The following ADGRG1 variants were observed in gnomAD, a reference collection of about 807,000 sequenced individuals.
ADGRG1 encodes adhesion G protein-coupled receptor G1, also known as 7-transmembrane protein with no EGF-like N-terminal domains-1.
In ADGRG1, 53 loss-of-function variants were observed where a neutral mutation model predicts 73.5. That is an observed-to-expected ratio of 0.72 (90% CI 0.58 to 0.91). ADGRG1 has a LOEUF of 0.91. ADGRG1 is among the 40% of genes least tolerant of loss of function. ADGRG1 has a pLI of 0.00. For synonymous variants in ADGRG1, 394 were observed against 374.4 expected, an observed-to-expected ratio of 1.05 and a Z score of -0.60; for missense variants, 795 against 871.8, an observed-to-expected ratio of 0.91 and a Z score of 1.11.
chr16:57,651,399 C>A lies in ADGRG1; in HGVS notation c.264C>A (p.Tyr88Ter). 2 of 1,614,218 alleles carry A rather than the reference C, an allele frequency of 1.2e-6. No individual in the cohort carries two copies. The highest frequency in any genetic ancestry group is 1.7e-6 in the Non-Finnish European group (2 of 1,180,024). ...CCTTCCCTGACCCCAGGGGCCTCTA[C>A]CACTTCTGCCTCTACTGGAACCGAC... is the stretch of plus-strand genomic sequence containing the variant. ...SRSFPDPRGL[Y>*]HFCLYWNRHA... Residue 88 changes from tyrosine (Y) to a stop codon, truncating the protein, a stop_gained, in exon 3 of 14, where the codon TAC becomes TAA. Coordinates refer to ENST00000562631, the MANE Select transcript of ADGRG1 (RefSeq NM_201525.4). LOFTEE classifies it high-confidence loss of function.
intron 1 of ADGRG1, chr16:57,641,229 G>A (rs1196386017): frequency 2.2e-6 from 2 of 921,950 alleles, no homozygotes; most frequent in Non-Finnish European, 2.6e-6. Flanking sequence ...CCAGTTGGCT[G>A]CAGAGCTTGT....
At chr16:57,620,615 C>A (rs1236224412), upstream of ADGRG1, among the ~76,000 whole-genome samples, 1 of 152,164 alleles carries the variant, frequency 6.6e-6, no homozygotes, top group Non-Finnish European at 1.5e-5. Flanking sequence ...GAGAAGGCAG[C>A]CTCCCTTAGC....
chr16:57,655,855 C>T (rs745891758), intron 6 of ADGRG1, 21 bp from the exon 7 acceptor site: 7 of 1,614,078 alleles, frequency 4.3e-6, no homozygotes, highest in Non-Finnish European at 5.9e-6. Flanking sequence ...CTACTCTCTT[C>T]CTCCAACCCC....
chr16:57,653,684 TG>T, intron 4 of ADGRG1: 1 of 847,566 alleles, frequency 1.2e-6, no homozygotes, highest in Non-Finnish European at 1.4e-6. Context: ...CCCAAACCCA[TG>T]GTGCTGAGTC....
At chr16:57,627,060 T>G, upstream of ADGRG1, 4 of 984,304 alleles carry the variant, frequency 4.1e-6, no homozygotes, top group Non-Finnish European at 4.8e-6. Flanking sequence ...ACTGTGAATG[T>G]GGGAAGCACA....
intron 13 of ADGRG1, chr16:57,662,850 T>G (rs1597711937): frequency 1.3e-6 from 1 of 764,318 alleles, no homozygotes; most frequent in Non-Finnish European, 1.6e-6. Flanking sequence ...TGGAAGGGGG[T>G]TGTATGGCCA....
chr16:57,648,551 G>A (rs1597413254), intron 1 of ADGRG1: 9 of 981,760 alleles, frequency 9.2e-6, no homozygotes, highest in African/African-American at 5.2e-5. Context: ...AGGGAGGACT[G>A]GCCCAGGAAG....
intron 1 of ADGRG1, chr16:57,633,536 G>T (rs113158560): frequency 2.0e-6 from 2 of 984,700 alleles, no homozygotes; most frequent in Non-Finnish European, 1.2e-6. Flanking sequence ...AGCACGAGGT[G>T]GGCTGTTAGG....
chr16:57,661,571 T>A, intron 12 of ADGRG1, 126 bp from the exon 13 acceptor site: 1 of 1,517,118 alleles, frequency 6.6e-7, no homozygotes, highest in Non-Finnish European at 8.8e-7. Context: ...ACATCAACAC[T>A]GTAAATAGAA....
At chr16:57,644,067 G>A (rs1441347683) in intron 1 of ADGRG1, 4 of 985,226 alleles carry the variant, frequency 4.1e-6, no homozygotes, top group East Asian at 2.3e-4. Flanking sequence ...CACCCACCAT[G>A]GAGGAAACAC....
In ADGRG1 at chr16:57,654,152, C is replaced by A. The variant is rs751072718; in HGVS notation, c.768+19C>A. 3.1e-6 allele frequency: 5 copies of A among 1,606,928 alleles called. No homozygotes were observed. The highest frequency in any genetic ancestry group is 3.4e-6 in the Non-Finnish European group (4 of 1,178,666). ...GCAGGAGGTCAGGGGCAGGCCTGGG[C>A]AGGAAGCAGATGCGGGTTGGGCCGG... On this transcript the variant is annotated intron_variant, in intron 5 of 13. Coordinates refer to ENST00000562631, the MANE Select transcript of ADGRG1 (RefSeq NM_201525.4).
intron 10 of ADGRG1, chr16:57,658,988 C>T (rs1221058611): frequency 1.1e-5 from 11 of 985,138 alleles, no homozygotes; most frequent in Non-Finnish European, 1.2e-5. Flanking sequence ...TTGCAAACCT[C>T]AGACAGACCG....
rs184323904 is a variant in ADGRG1, at chr16:57,663,154, G to A, written c.1934-298G>A. The A allele has an allele frequency of 2.2e-5, 20 of 894,826 alleles. No homozygotes were observed. The African/African-American group carries it at 3.2e-4, about 15-fold the overall frequency. 55.4% of individuals were successfully genotyped at this position (894,826 alleles called of 1,614,324 possible). The stretch of plus-strand genomic sequence containing the variant: ...CCTGTTCACCACAGTTTGAGCCCTG[G>A]CTCAGCCACGTCCCTTTACCTGAGC... On this transcript the variant is annotated intron_variant, in intron 13 of 13. Coordinates refer to ENST00000562631, the MANE Select transcript of ADGRG1 (RefSeq NM_201525.4).
chr16:57,656,451 G>A, intron 8 of ADGRG1, 63 bp from the exon 9 acceptor site: 2 of 1,584,182 alleles, frequency 1.3e-6, no homozygotes, highest in Non-Finnish European at 1.7e-6. Context: ...GCTTTTGGGG[G>A]TGGACACAGT....
intron 1 of ADGRG1, chr16:57,641,431 C>G (rs1178090356): frequency 7.1e-6 from 7 of 980,938 alleles, no homozygotes; most frequent in Non-Finnish European, 8.5e-6. Flanking sequence ...CTGAACAGGC[C>G]TGGCACCAGA....
intron 1 of ADGRG1, chr16:57,647,334 T>G (rs2042926548): frequency 1.0e-6 from 1 of 981,612 alleles, no homozygotes; most frequent in African/African-American, 1.8e-5. Flanking sequence ...GGTGCTCTGG[T>G]GGGTGAGCTG....
chr16:57,657,983 C>T (rs2046163923), intron 10 of ADGRG1, among the ~76,000 whole-genome samples: 1 of 152,048 alleles, frequency 6.6e-6, no homozygotes, highest in African/African-American at 2.4e-5. Flanking sequence ...CTCAAGTGAT[C>T]CACCCACCTC....
rs756301108 is a variant in ADGRG1 at position 57,653,208 on chromosome 16, C to T, written c.493C>T (p.Pro165Ser). ...CCTGTCCACCCCTCCCCCAGGTCCT[C>T]CCCACACGGCCGCTCACAATGCCTC... is the stretch of plus-strand genomic sequence containing the variant. ...ASFTFSFHSP[P>S]HTAAHNASVD... The change falls in exon 4 of 14, where the codon CCC becomes TCC. Residue 165 changes from proline (P) to serine (S), a missense_variant. Pro to Ser is a moderately conservative substitution (Grantham distance 74, BLOSUM62 -1). Transcript: ENST00000562631. 6 of 1,608,982 alleles carry T rather than the reference C, an allele frequency of 3.7e-6. No homozygotes were observed. The Admixed American group carries it at 8.3e-5, about 22-fold the overall frequency.
chr16:57,633,801 C>T (rs1040587750), intron 1 of ADGRG1, among the ~76,000 whole-genome samples: 18 of 152,164 alleles, frequency 1.2e-4, no homozygotes, highest in Non-Finnish European at 1.9e-4. Flanking sequence ...AGACTTTATC[C>T]GGAACAATGG....
Sources: gnomAD v4.1 joint callset for allele counts (sites outside exome capture counted in the v4.1 genomes callset) on GRCh38, gnomAD v4.1.1 for gene constraint, MANE v1.5 for transcripts, NCBI Gene and HGNC (gene_info 2026-07-23, HGNC 2026-07-21) for gene names.